Variants in RBFOX1 observed in about 807,000 individuals in gnomAD.
RBFOX1 encodes the protein RNA binding fox-1 homolog 1, also known as RNA binding protein fox-1 homolog 1.
A neutral mutation model predicts 57.7 loss-of-function variants in RBFOX1; 8 were observed. That is an observed-to-expected ratio of 0.14 (90% confidence interval 0.08 to 0.25). RBFOX1 has a LOEUF of 0.25. RBFOX1 is among the 10% of genes least tolerant of loss of function. The pLI is 1.00. For synonymous variants in RBFOX1, 326 were observed against 222.4 expected, an observed-to-expected ratio of 1.47 and a Z score of -4.15; for missense variants, 611 against 548.5, an observed-to-expected ratio of 1.11 and a Z score of -1.14.
intron 3 of RBFOX1, among the ~76,000 whole-genome samples, chr16:6,767,006 G>A (rs1390403999): frequency 6.6e-6 from 1 of 152,042 alleles, no homozygotes; most frequent in African/African-American, 2.4e-5. Context: ...TCAATTCCAG[G>A]TCATTTCTGG....
chr16:7,256,511 A>T (rs1467375162), intron 4 of RBFOX1, among the ~76,000 whole-genome samples: 1 of 151,952 alleles, frequency 6.6e-6, no homozygotes, highest in Non-Finnish European at 1.5e-5. Context: ...CCTAATCACC[A>T]TTCCCCTTCC....
At chr16:5,283,707 CTG>C (rs1047306108) in intron 1 of RBFOX1, among the ~76,000 whole-genome samples, 25 of 152,198 alleles carry the variant, frequency 1.6e-4, no homozygotes, top group African/African-American at 4.6e-4. Flanking sequence ...TTTGGAATGA[CTG>C]TGTTTACCCA....
intron 3 of RBFOX1, among the ~76,000 whole-genome samples, chr16:6,867,127 A>G (rs559983654): frequency 1.1e-4 from 16 of 152,290 alleles, no homozygotes; most frequent in Admixed American, 3.3e-4. Flanking sequence ...TAAAGCAGTC[A>G]GGTTTTAGCT....
Position 7,456,195 on chromosome 16 carries a change from C to T in RBFOX1, c.28-61952C>T, listed in dbSNP as rs1015574100. On this transcript the variant is annotated intron_variant, in intron 4 of 15. Transcript: ENST00000550418. ...CAGGGCTCTGTGGAGGGTTGATGTA[C>T]CCACAGCATCCATCCCTTTAACAGT... 5.9e-5 allele frequency among the ~76,000 whole-genome samples: 9 copies of T among 152,190 alleles called. No homozygotes were observed. In the East Asian group the frequency reaches 1.7e-3, roughly 29 times the overall value.
intron 1 of RBFOX1, among the ~76,000 whole-genome samples, chr16:6,223,506 G>C (rs905977384): frequency 6.6e-6 from 1 of 152,176 alleles, no homozygotes; most frequent in Non-Finnish European, 1.5e-5. Flanking sequence ...CTTCTTTTGA[G>C]AAGTGTCTGT....
intron 13 of RBFOX1, among the ~76,000 whole-genome samples, chr16:7,672,322 G>A (rs748851429): frequency 9.2e-5 from 14 of 152,190 alleles, no homozygotes; most frequent in Non-Finnish European, 2.1e-4. Context: ...TCAAACTGAG[G>A]ATGATCAGTG....
intron 4 of RBFOX1, among the ~76,000 whole-genome samples, chr16:7,343,171 T>A (rs1035998785): frequency 6.6e-6 from 1 of 152,154 alleles, no homozygotes; most frequent in Non-Finnish European, 1.5e-5. Context: ...TGTTAAATAA[T>A]AAGAATAGCT....
At chr16:6,903,529 C>T (rs569767555) in intron 3 of RBFOX1, among the ~76,000 whole-genome samples, 34 of 152,242 alleles carry the variant, frequency 2.2e-4, no homozygotes, top group African/African-American at 8.2e-4. Flanking sequence ...GGAAGCACTT[C>T]AATAGGATGT....
chr16:5,280,722 G>A (rs1403171002), intron 1 of RBFOX1, among the ~76,000 whole-genome samples: 4 of 151,972 alleles, frequency 2.6e-5, no homozygotes, highest in African/African-American at 9.7e-5. Flanking sequence ...GTTAGCATAT[G>A]GTTGTTCATA....
chr16:6,653,868 G>T (rs530403260), intron 2 of RBFOX1, among the ~76,000 whole-genome samples: 104 of 151,898 alleles, frequency 6.8e-4, no homozygotes, highest in Middle Eastern at 3.4e-3. Flanking sequence ...ATGGCTGGGT[G>T]GATAGCTGGA....
rs138585975 is a variant in RBFOX1, at chr16:5,904,498, G to C, written c.351+37163G>C. On this transcript the variant is annotated intron_variant, in intron 4 of 19. Coordinates refer to the RBFOX1 transcript ENST00000641259. ...TGAGAGAGAAAAATCAAGACAAGCA[G>C]AATGTGGGGATGGTGGTGGGAGTGG... Among the ~76,000 whole-genome samples the C allele has an allele frequency of 2.0e-4, 31 of 151,990 alleles. No individual in the cohort carries two copies. The East Asian group carries it at 6.1e-3, about 30-fold the overall frequency.
rs1265334297 is a variant in RBFOX1, at chr16:6,888,089, AAT to A, written c.-15-163966_-15-163965del. Among the ~76,000 whole-genome samples the A allele has an allele frequency of 2.6e-5, 4 of 152,150 alleles. No individual in the cohort carries two copies. In the East Asian group the frequency reaches 7.7e-4, roughly 29 times the overall value. On this transcript the variant is annotated intron_variant, in intron 3 of 15. Coordinates refer to ENST00000550418, the MANE Select transcript of RBFOX1 (RefSeq NM_018723.4). Reference sequence around the variant, plus strand: ...CCCAGGTAATTAGTGTAAAATTTTTAATAAGCCTCATAAGCTTTACAATTATT... The same window carrying A: ...CCCAGGTAATTAGTGTAAAATTTTTAAAGCCTCATAAGCTTTACAATTATT...
intron 2 of RBFOX1, among the ~76,000 whole-genome samples, chr16:6,336,154 C>CATACATATAT (rs2083645201): frequency 2.3e-5 from 1 of 43,218 alleles, no homozygotes; most frequent in Non-Finnish European, 4.1e-5. Context: ...TATACATATA[C>CATACATATAT]ATATATATAT....
At chr16:6,675,887 C>T (rs1362816030) in intron 3 of RBFOX1, among the ~76,000 whole-genome samples, 3 of 151,660 alleles carry the variant, frequency 2.0e-5, no homozygotes, top group Non-Finnish European at 4.4e-5. Flanking sequence ...TGGGTGAGGA[C>T]CCAGTGAAAC....
At chr16:7,285,772 CCATT>C in intron 4 of RBFOX1, among the ~76,000 whole-genome samples, 1 of 152,276 alleles carries the variant, frequency 6.6e-6, no homozygotes, top group African/African-American at 2.4e-5. Context: ...GTTTGTTTAA[CCATT>C]CATCTATTGA....
At chr16:5,876,896 C>A (rs1388279974) in intron 4 of RBFOX1, among the ~76,000 whole-genome samples, 1 of 152,112 alleles carries the variant, frequency 6.6e-6, no homozygotes, top group African/African-American at 2.4e-5. Context: ...CAGACTCAGC[C>A]ACAGTGGTGG....
At position 7,127,205 on chromosome 16, in the gene RBFOX1, C is replaced by T. The variant is rs375796807; in HGVS notation, c.27+75107C>T. ...TCTGTGAACTAGCCACAAATGCCTC[C>T]GAAAGCATAAAATCGTTATTCAGCA... is the stretch of plus-strand genomic sequence containing the variant. On this transcript the variant is annotated intron_variant, in intron 4 of 15. Transcript: ENST00000550418. Among the ~76,000 whole-genome samples, 166 of 152,040 alleles carry T rather than the reference C, an allele frequency of 1.1e-3. 1 individual carries two copies. The highest frequency in any genetic ancestry group is 3.5e-3 in the African/African-American group (145 of 41,444).
At chr16:6,930,530 C>G (rs367660163) in intron 3 of RBFOX1, among the ~76,000 whole-genome samples, 1 of 152,058 alleles carries the variant, frequency 6.6e-6, no homozygotes, top group Non-Finnish European at 1.5e-5. Context: ...CTGCCTCAGC[C>G]TCCCAAGCAG....
rs565736945 is a variant in RBFOX1 at position 6,767,208 on chromosome 16, C to T, written c.-16+112558C>T. 3.2e-4 allele frequency among the ~76,000 whole-genome samples: 48 copies of T among 152,174 alleles called. 2 individuals are homozygous for T. In the South Asian group the frequency reaches 1.0e-2, roughly 32 times the overall value. ...ATGGAACCTAAACCTAGCCAGCTGG[C>T]ATAACTCCAATTCCCAGCCACAGGG... On this transcript the variant is annotated intron_variant, in intron 3 of 15. Transcript: ENST00000550418.
Sources: allele counts gnomAD v4.1 joint callset (sites outside exome capture counted in the v4.1 genomes callset), GRCh38; gene constraint gnomAD v4.1.1; transcripts MANE v1.5; gene names NCBI Gene and HGNC (gene_info 2026-07-23, HGNC 2026-07-21).